Variants in COG6 observed in about 807,000 individuals in gnomAD.
The protein encoded by COG6 is conserved oligomeric Golgi complex subunit 6.
COG6 carries 74 observed loss-of-function variants against 88.8 expected under a neutral mutation model. The ratio of observed to expected loss-of-function variants is 0.83; its 90% confidence interval spans 0.69 to 1.01. COG6 has a LOEUF of 1.01. Ranked by LOEUF, COG6 falls within the 50% of genes least tolerant of loss-of-function variation. COG6 has a pLI of 0.00. For synonymous variants in COG6, 286 were observed against 278.7 expected (o/e 1.03, Z -0.26); for missense variants, 800 against 797.9 (o/e 1.00, Z -0.03).
chr13:39,655,906 C>T lies in COG6; in HGVS notation c.153+27C>T, dbSNP rs3812884. ...TAACCGGGGCTGGCGGGGCCGGAGT[C>T]ACAGGTTCCTGCGGGGCTGAGCCGG... On this transcript the variant is annotated intron_variant, in intron 1 of 18. Transcript: ENST00000455146. The T allele has an allele frequency of 0.41, 645,768 of 1,591,514 alleles. 134,513 individuals carry two copies. The highest frequency in any genetic ancestry group is 0.62 in the Admixed American group (35,061 of 56,992).
At chr13:39,738,646 T>C (rs12865677) in intron 18 of COG6, among the ~76,000 whole-genome samples, 1 of 152,192 alleles carries the variant, frequency 6.6e-6, no homozygotes, top group Non-Finnish European at 1.5e-5. Context: ...AACTATCTGC[T>C]ATCTATAAAA....
At chr13:39,691,683 T>G (rs1316424505) in intron 11 of COG6, among the ~76,000 whole-genome samples, 2 of 151,902 alleles carry the variant, frequency 1.3e-5, no homozygotes, top group Non-Finnish European at 2.9e-5. Context: ...TAAGAATTTT[T>G]TTTCTGTATG....
intron 17 of COG6, 35 bp downstream of exon 17, chr13:39,724,596 C>T: frequency 1.4e-6 from 2 of 1,448,614 alleles, no homozygotes; most frequent in Non-Finnish European, 1.9e-6. Context: ...ATTTAGATTT[C>T]CTTATGGATC....
chr13:39,781,953 G>A (rs529518744), intron 18 of COG6, among the ~76,000 whole-genome samples: 8 of 151,956 alleles, frequency 5.3e-5, no homozygotes, highest in East Asian at 3.9e-4. Context: ...CTCTCTTCTC[G>A]AACCCTTTTC....
intron 4 of COG6, among the ~76,000 whole-genome samples, chr13:39,671,467 T>G (rs1370953018): frequency 6.6e-6 from 1 of 151,888 alleles, no homozygotes; most frequent in African/African-American, 2.4e-5. Context: ...ATTTCCTGAT[T>G]TAACTACATT....
At chr13:39,759,744 A>G (rs1880954578) in intron 18 of COG6, among the ~76,000 whole-genome samples, 1 of 152,200 alleles carries the variant, frequency 6.6e-6, no homozygotes, top group South Asian at 2.1e-4. Flanking sequence ...ATAACAGCAT[A>G]TTAGTCTATC....
Position 39,751,065 on chromosome 13 carries a change from C to A in COG6, c.1946C>A (p.Pro649Gln), listed in dbSNP as rs750264415. ...CCAGAGAACATTCTTCACCGATCGC[C>A]GCAGCAAGTGCAGACGCTTCTTTCC... ...KDPENILHRSPQQVQTLLS is the reference protein window; with the variant it reads ...KDPENILHRSQQQVQTLLS Residue 649 changes from proline (P) to glutamine (Q), a missense_variant, in exon 19 of 19, where the codon CCG becomes CAG. By Grantham distance (76) the Pro-to-Gln change is moderately conservative (BLOSUM62 -1). Coordinates refer to ENST00000455146, the MANE Select transcript of COG6 (RefSeq NM_020751.3). The A allele has an allele frequency of 6.2e-7, 1 of 1,613,618 alleles. No individual in the cohort carries two copies. The highest frequency in any genetic ancestry group is 1.1e-5 in the South Asian group (1 of 91,062).
At chr13:39,717,865 A>G (rs1338925982) in intron 13 of COG6, among the ~76,000 whole-genome samples, 1 of 152,152 alleles carries the variant, frequency 6.6e-6, no homozygotes, top group Non-Finnish European at 1.5e-5. Flanking sequence ...AAAAACAAAA[A>G]ACAAAAACAA....
exon 19 of COG6, chr13:39,789,963 A>G (rs1283466078): frequency 2.6e-5 from 4 of 152,224 alleles, no homozygotes; most frequent in Admixed American, 2.6e-4. Context: ...GTTTATTTAA[A>G]TATTAAATAT....
intron 16 of COG6, 141 bp from the exon 17 acceptor site, chr13:39,724,367 C>T: frequency 1.5e-6 from 1 of 650,618 alleles, no homozygotes; most frequent in Non-Finnish European, 2.7e-6. Flanking sequence ...GAAGAAATTA[C>T]ACTTGAGTTC....
At chr13:39,758,727 CT>C (rs1880922981) in intron 18 of COG6, among the ~76,000 whole-genome samples, 3 of 152,272 alleles carry the variant, frequency 2.0e-5, no homozygotes, top group South Asian at 4.1e-4. Context: ...TATGCCTAGG[CT>C]TTTACCCAAG....
At chr13:39,656,805 C>T (rs766555524) in intron 1 of COG6, 10 of 455,700 alleles carry the variant, frequency 2.2e-5, no homozygotes, top group Non-Finnish European at 3.5e-5. Flanking sequence ...AGTCCCTTCA[C>T]TAATCTCAGC....
intron 18 of COG6, among the ~76,000 whole-genome samples, chr13:39,762,163 A>G (rs528082880): frequency 6.6e-6 from 1 of 152,046 alleles, no homozygotes; most frequent in African/African-American, 2.4e-5. Flanking sequence ...ATATATACGC[A>G]GTGGAATACT....
intron 1 of COG6, 123 bp downstream of exon 1, chr13:39,656,002 C>A: frequency 8.1e-7 from 1 of 1,237,296 alleles, no homozygotes; most frequent in Non-Finnish European, 1.2e-6. Context: ...CCGCGAGTGA[C>A]CCCAGACCTG....
chr13:39,659,365 A>G lies in COG6; in HGVS notation c.155A>G (p.Glu52Gly), dbSNP rs201308360. Residue 52 changes from glutamate to glycine, a missense_variant and splice_region_variant, in exon 2 of 19, where the codon GAG becomes GGG. Coordinates refer to ENST00000455146, the MANE Select transcript of COG6 (RefSeq NM_020751.3). The stretch of plus-strand genomic sequence containing the variant: ...TGTCTTCTGTTACCAATTGTATAGG[A>G]GATGTTAGAAGCTCTCAAGGCACTT... ...ILETRLDNDK[E>G]MLEALKALST... The G allele has an allele frequency of 2.2e-4, 348 of 1,613,308 alleles. No homozygotes were observed. The highest frequency in any genetic ancestry group is 2.8e-4 in the Non-Finnish European group (334 of 1,179,598).
intron 15 of COG6, among the ~76,000 whole-genome samples, chr13:39,722,890 A>C (rs956241712): frequency 6.6e-6 from 1 of 151,978 alleles, no homozygotes; most frequent in Non-Finnish European, 1.5e-5. Flanking sequence ...TTACTACCTG[A>C]GCTGTAGTGG....
At chr13:39,678,168 G>A (rs1876089698) in intron 5 of COG6, 1 of 394,162 alleles carries the variant, frequency 2.5e-6, no homozygotes, top group Admixed American at 3.0e-5. Flanking sequence ...CCAGGCTCAA[G>A]TGATCCTCTC....
At chr13:39,730,248 A>G (rs1027034236) in intron 18 of COG6, among the ~76,000 whole-genome samples, 1 of 152,156 alleles carries the variant, frequency 6.6e-6, no homozygotes, top group African/African-American at 2.4e-5. Context: ...TATTATTTAT[A>G]TAAGTATTAA....
chr13:39,687,474 C>G, intron 8 of COG6, 29 bp from the exon 9 acceptor site: 3 of 1,605,484 alleles, frequency 1.9e-6, no homozygotes, highest in Non-Finnish European at 2.6e-6. Flanking sequence ...ACAACCCCAA[C>G]CATTTTTTAT....
Sources: gnomAD v4.1 joint callset for allele counts (sites outside exome capture counted in the v4.1 genomes callset) on GRCh38, gnomAD v4.1.1 for gene constraint, MANE v1.5 for transcripts, NCBI Gene and HGNC (gene_info 2026-07-23, HGNC 2026-07-21) for gene names.